Variants in ACBD6 observed in about 807,000 individuals in gnomAD.
ACBD6 encodes acyl-CoA binding domain containing 6, also known as acyl-CoA-binding domain-containing protein 6.
A neutral mutation model predicts 37.2 loss-of-function variants in ACBD6; 28 were observed. The observed-to-expected ratio is 0.75, with a 90% confidence interval of 0.56 to 1.03. The LOEUF (loss-of-function observed/expected upper bound fraction) is 1.03. Ranked by LOEUF, ACBD6 falls within the 50% of genes least tolerant of loss-of-function variation. The pLI is 0.00. For synonymous variants in ACBD6, 113 were observed against 126.8 expected (o/e 0.89, Z 0.73); for missense variants, 340 against 337.4 (o/e 1.01, Z -0.06).
At chr1:180,344,577 C>G (rs1001763460) in intron 6 of ACBD6, among the ~76,000 whole-genome samples, 1 of 152,192 alleles carries the variant, frequency 6.6e-6, no homozygotes, top group Non-Finnish European at 1.5e-5. Context: ...AGAGTTGAGA[C>G]TTCACTGCAG....
intron 6 of ACBD6, among the ~76,000 whole-genome samples, chr1:180,391,266 T>C (rs1422297710): frequency 6.6e-6 from 1 of 151,990 alleles, no homozygotes; most frequent in Non-Finnish European, 1.5e-5. Flanking sequence ...GATTAGACAA[T>C]GATTTCTTAA....
chr1:180,446,786 A>G (rs1230120192), intron 3 of ACBD6, among the ~76,000 whole-genome samples: 2 of 152,174 alleles, frequency 1.3e-5, no homozygotes, highest in Non-Finnish European at 2.9e-5. Context: ...CATGCCTGTA[A>G]TCCTAGCACT....
chr1:180,473,200 C>G (rs1315435813), intron 3 of ACBD6, among the ~76,000 whole-genome samples: 3 of 152,146 alleles, frequency 2.0e-5, no homozygotes, highest in African/African-American at 7.2e-5. Flanking sequence ...GTAATCCCAG[C>G]ACTTTGGGAG....
intron 7 of ACBD6, among the ~76,000 whole-genome samples, chr1:180,305,602 A>G (rs534078481): frequency 6.6e-6 from 1 of 152,292 alleles, no homozygotes; most frequent in South Asian, 2.1e-4. Flanking sequence ...TCAGGAAACA[A>G]CAGGTGCTGG....
At chr1:180,356,433 A>C (rs1296365257) in intron 6 of ACBD6, among the ~76,000 whole-genome samples, 1 of 151,988 alleles carries the variant, frequency 6.6e-6, no homozygotes, top group Non-Finnish European at 1.5e-5. Flanking sequence ...CAGCCTCCCA[A>C]AGTGCTGGGA....
chr1:180,471,511 G>A (rs1650566126), intron 3 of ACBD6, among the ~76,000 whole-genome samples: 1 of 151,618 alleles, frequency 6.6e-6, no homozygotes, highest in Non-Finnish European at 1.5e-5. Flanking sequence ...AGGTTTAATT[G>A]GACTTACAGT....
intron 3 of ACBD6, among the ~76,000 whole-genome samples, chr1:180,436,825 C>T (rs1454240812): frequency 6.6e-6 from 1 of 152,018 alleles, no homozygotes; most frequent in African/African-American, 2.4e-5. Context: ...AAAAACAAAA[C>T]TACCTCAAAA....
At chr1:180,412,115 A>AG (rs1349561355) in intron 5 of ACBD6, among the ~76,000 whole-genome samples, 3 of 151,802 alleles carry the variant, frequency 2.0e-5, no homozygotes, top group African/African-American at 7.3e-5. Context: ...AAGGCAAAAA[A>AG]AAAAAAAAAC....
At chr1:180,273,943 T>C (rs1234009670) in exon 11 of ACBD6, 2 of 556,794 alleles carry the variant, frequency 3.6e-6, no homozygotes, top group East Asian at 6.3e-5. Context: ...TCACCAAACA[T>C]TTGTCCATCC....
At chr1:180,297,465 C>T (rs1315124048) in intron 7 of ACBD6, among the ~76,000 whole-genome samples, 1 of 152,004 alleles carries the variant, frequency 6.6e-6, no homozygotes, top group Non-Finnish European at 1.5e-5. Context: ...TAGAAGGCTA[C>T]CAAGATACAG....
chr1:180,446,867 C>A (rs1649495903), intron 3 of ACBD6, among the ~76,000 whole-genome samples: 1 of 152,040 alleles, frequency 6.6e-6, no homozygotes, highest in South Asian at 2.1e-4. Flanking sequence ...ATGGTAAAAC[C>A]CCATCTCTAC....
chr1:180,479,555 A>G (rs1300703898), intron 3 of ACBD6, among the ~76,000 whole-genome samples: 1 of 152,192 alleles, frequency 6.6e-6, no homozygotes, highest in Non-Finnish European at 1.5e-5. Flanking sequence ...ACATACAGTA[A>G]GAAAGAAGGA....
intron 6 of ACBD6, among the ~76,000 whole-genome samples, chr1:180,340,170 T>C (rs1193520357): frequency 6.6e-6 from 1 of 152,128 alleles, no homozygotes. Flanking sequence ...CCAGATGGCA[T>C]AGGGCCTAGT....
At chr1:180,501,645 T>A (rs1288838496) in intron 1 of ACBD6, among the ~76,000 whole-genome samples, 1 of 152,212 alleles carries the variant, frequency 6.6e-6, no homozygotes, top group Non-Finnish European at 1.5e-5. Context: ...AATCCTATTA[T>A]CTTTTTGGAT....
intron 3 of ACBD6, among the ~76,000 whole-genome samples, chr1:180,483,927 C>T (rs2102074689): frequency 6.6e-6 from 1 of 152,272 alleles, no homozygotes; most frequent in Middle Eastern, 3.4e-3. Flanking sequence ...ATATCAGATA[C>T]TACCCGGGAA....
intron 1 of ACBD6, among the ~76,000 whole-genome samples, chr1:180,501,578 A>G (rs1020006985): frequency 1.3e-5 from 2 of 152,146 alleles, no homozygotes; most frequent in African/African-American, 4.8e-5. Context: ...TCGGCCTCCC[A>G]AAGTGCTGGG....
intron 9 of ACBD6, among the ~76,000 whole-genome samples, chr1:180,280,114 T>C (rs1430296725): frequency 6.6e-6 from 1 of 152,244 alleles, no homozygotes; most frequent in African/African-American, 2.4e-5. Context: ...TGGACGACAC[T>C]GATATAAAAC....
chr1:180,297,804 G>A (rs1439816121), intron 7 of ACBD6, among the ~76,000 whole-genome samples: 5 of 152,112 alleles, frequency 3.3e-5, no homozygotes, highest in East Asian at 1.9e-4. Context: ...GCAATGGCAC[G>A]ATCTTGGTTC....
At chr1:180,294,695 C>A (rs886828971) in intron 7 of ACBD6, among the ~76,000 whole-genome samples, 24 of 151,070 alleles carry the variant, frequency 1.6e-4, no homozygotes, top group African/African-American at 4.8e-4. Context: ...TGGTAATTTG[C>A]CTTTTGTTTT....
Sources: gnomAD v4.1 joint callset for allele counts (sites outside exome capture counted in the v4.1 genomes callset) on GRCh38, gnomAD v4.1.1 for gene constraint, MANE v1.5 for transcripts, NCBI Gene and HGNC (gene_info 2026-07-23, HGNC 2026-07-21) for gene names.